The following CSMD1 variants were observed in gnomAD, a reference collection of about 807,000 sequenced individuals.
The protein encoded by CSMD1 is CUB and Sushi multiple domains 1, also known as CUB and sushi domain-containing protein 1.
In CSMD1, 213 loss-of-function variants were observed where a neutral mutation model predicts 417.5. That is an observed-to-expected ratio of 0.51 (90% CI 0.46 to 0.57). CSMD1 has a LOEUF of 0.57. Among genes scored for constraint, CSMD1 ranks in the 20% least tolerant of loss-of-function variants. The pLI, the probability that CSMD1 is intolerant of heterozygous loss-of-function variation, is 0.00. For synonymous variants in CSMD1, 2,862 were observed against 1,736.8 expected (o/e 1.65, Z -16.11); for missense variants, 6,923 against 4,529.7 (o/e 1.53, Z -15.17).
chr8:3,928,082 G>C (rs778380968), intron 5 of CSMD1, among the ~76,000 whole-genome samples: 1 of 152,046 alleles, frequency 6.6e-6, no homozygotes, highest in Non-Finnish European at 1.5e-5. Flanking sequence ...AAGGAGGCCT[G>C]AGTTTATGAA....
chr8:4,544,376 T>TA (rs1797543517), intron 2 of CSMD1, among the ~76,000 whole-genome samples: 2 of 152,212 alleles, frequency 1.3e-5, no homozygotes, highest in South Asian at 2.1e-4. Context: ...GTTTTTCTTT[T>TA]AAAAAATCTA....
chr8:3,894,156 C>G (rs371225411), intron 5 of CSMD1, among the ~76,000 whole-genome samples: 2 of 152,200 alleles, frequency 1.3e-5, no homozygotes, highest in East Asian at 1.9e-4. Context: ...AAAAACTACT[C>G]TATGCTACAC....
chr8:4,991,259 G>A (rs1362523915), intron 1 of CSMD1, among the ~76,000 whole-genome samples: 3 of 152,148 alleles, frequency 2.0e-5, no homozygotes, highest in African/African-American at 2.4e-5. Context: ...CCTGGTCCCT[G>A]AAAATAGGCA....
chr8:4,768,921 A>AT (rs1796466699), intron 1 of CSMD1, among the ~76,000 whole-genome samples: 1 of 152,168 alleles, frequency 6.6e-6, no homozygotes, highest in Non-Finnish European at 1.5e-5. Context: ...GATAGACGTT[A>AT]TTGATTCCTC....
chr8:3,458,471 T>A (rs771798462), intron 12 of CSMD1, among the ~76,000 whole-genome samples: 3 of 152,192 alleles, frequency 2.0e-5, no homozygotes, highest in Admixed American at 1.3e-4. Context: ...CATATCTTCA[T>A]ACAAACTCTC....
intron 42 of CSMD1, among the ~76,000 whole-genome samples, chr8:3,117,322 C>T (rs890666057): frequency 1.6e-4 from 25 of 152,158 alleles, no homozygotes; most frequent in Admixed American, 2.6e-4. Flanking sequence ...CCGCCCACCT[C>T]AGCCTCCCAA....
At chr8:3,904,782 G>A (rs1484395149) in intron 5 of CSMD1, among the ~76,000 whole-genome samples, 2 of 151,772 alleles carry the variant, frequency 1.3e-5, no homozygotes, top group African/African-American at 4.8e-5. Context: ...GATTACAGGT[G>A]TGCATCACCA....
At chr8:3,560,107 C>G (rs1055567563) in intron 10 of CSMD1, among the ~76,000 whole-genome samples, 2 of 152,018 alleles carry the variant, frequency 1.3e-5, no homozygotes, top group African/African-American at 2.4e-5. Flanking sequence ...ATTCCAGGAC[C>G]CATTCGAACT....
At chr8:3,680,491 A>T (rs1799595065) in intron 7 of CSMD1, among the ~76,000 whole-genome samples, 1 of 152,232 alleles carries the variant, frequency 6.6e-6, no homozygotes, top group South Asian at 2.1e-4. Flanking sequence ...AACCAGGAAG[A>T]AGTTGAATCT....
intron 5 of CSMD1, among the ~76,000 whole-genome samples, chr8:3,935,047 T>C (rs554048373): frequency 2.0e-5 from 3 of 152,144 alleles, no homozygotes; most frequent in Non-Finnish European, 4.4e-5. Context: ...CTCGTTTCTT[T>C]TGCATTGCAC....
At chr8:3,617,942 G>C (rs1802225202) in intron 7 of CSMD1, among the ~76,000 whole-genome samples, 1 of 152,134 alleles carries the variant, frequency 6.6e-6, no homozygotes, top group African/African-American at 2.4e-5. Context: ...GGTATATGTG[G>C]AACTCGTGAA....
chr8:4,917,040 G>A (rs1389391226), intron 1 of CSMD1, among the ~76,000 whole-genome samples: 1 of 152,164 alleles, frequency 6.6e-6, no homozygotes, highest in Non-Finnish European at 1.5e-5. Flanking sequence ...AATTTTTGAA[G>A]AAGAGAGATT....
chr8:4,613,501 G>C (rs1419282160), intron 2 of CSMD1, among the ~76,000 whole-genome samples: 1 of 152,168 alleles, frequency 6.6e-6, no homozygotes, highest in African/African-American at 2.4e-5. Flanking sequence ...TACACTACTA[G>C]TGTGGCAGGC....
At position 3,292,911 on chromosome 8, in the gene CSMD1, C is replaced by A. The variant is rs199676250; in HGVS notation, c.3951-8565G>T. Among the ~76,000 whole-genome samples the A allele has an allele frequency of 1.0e-3, 154 of 151,988 alleles. 3 individuals carry two copies. In the East Asian group the frequency reaches 0.027, roughly 27 times the overall value. On this transcript the variant is annotated intron_variant, in intron 25 of 69. Transcript: ENST00000635120. ...TTTTGCTCGTTAGTTGATGCAGTTT[C>A]TTCCTAGTCTCGATGGTCTTTACAT...
In CSMD1 at chr8:4,353,955, C is replaced by T. The variant is rs748243884; in HGVS notation, c.415+65998G>A. On this transcript the variant is annotated intron_variant, in intron 3 of 69. Transcript: ENST00000635120. ...AGGTATATTAGGGAACTTCATCAGCCCTCTATGATGATATATTGTTTCACT... is the reference window on the plus strand; with the variant it reads ...AGGTATATTAGGGAACTTCATCAGCTCTCTATGATGATATATTGTTTCACT... Among the ~76,000 whole-genome samples, 51 of 152,042 alleles carry T rather than the reference C, an allele frequency of 3.4e-4. 1 individual carries two copies. The highest frequency in any genetic ancestry group is 1.2e-4 in the Non-Finnish European group (8 of 68,004).
intron 3 of CSMD1, among the ~76,000 whole-genome samples, chr8:4,152,520 G>C (rs552235822): frequency 8.8e-5 from 8 of 91,242 alleles, no homozygotes; most frequent in African/African-American, 2.4e-4. Context: ...TCTACAGAGA[G>C]TACCAAAAAA....
intron 1 of CSMD1, among the ~76,000 whole-genome samples, chr8:4,777,507 C>G (rs1489469216): frequency 6.6e-6 from 1 of 152,148 alleles, no homozygotes; most frequent in Non-Finnish European, 1.5e-5. Context: ...AACAATCATC[C>G]CAGTGTATAC....
chr8:3,296,935 CAG>C (rs1804016878), intron 25 of CSMD1, among the ~76,000 whole-genome samples: 1 of 152,052 alleles, frequency 6.6e-6, no homozygotes, highest in Non-Finnish European at 1.5e-5. Context: ...AGAGAGAAGT[CAG>C]AGTGGAGAAA....
At chr8:4,286,610 G>C (rs981532392) in intron 3 of CSMD1, among the ~76,000 whole-genome samples, 1 of 152,068 alleles carries the variant, frequency 6.6e-6, no homozygotes, top group African/African-American at 2.4e-5. Flanking sequence ...TTAGGTTTGG[G>C]AACACCACTT....
Sources: gnomAD v4.1 joint callset for allele counts (sites outside exome capture counted in the v4.1 genomes callset) on GRCh38, gnomAD v4.1.1 for gene constraint, MANE v1.5 for transcripts, NCBI Gene and HGNC (gene_info 2026-07-23, HGNC 2026-07-21) for gene names.